Variants in TAOK3 observed in about 807,000 individuals in gnomAD.
TAOK3 encodes the protein TAO kinase 3, also known as serine/threonine-protein kinase TAO3.
In TAOK3, 40 loss-of-function variants were observed where a neutral mutation model predicts 120.4. The ratio of observed to expected loss-of-function variants is 0.33; its 90% CI spans 0.26 to 0.43. The LOEUF (loss-of-function observed/expected upper bound fraction) is 0.43, where lower values mean the gene tolerates loss of function less well. TAOK3 is among the 20% of genes least tolerant of loss of function. The pLI is 1.00. For synonymous variants in TAOK3, 355 were observed against 387.5 expected, an observed-to-expected ratio of 0.92 and a Z score of 0.99; for missense variants, 821 against 1,112.1, an observed-to-expected ratio of 0.74 and a Z score of 3.72.
chr12:118,179,693 G>A (rs2036576066), intron 15 of TAOK3, among the ~76,000 whole-genome samples: 2 of 146,730 alleles, frequency 1.4e-5, no homozygotes, highest in African/African-American at 5.1e-5. Context: ...TGCCCAGGCT[G>A]GAATGCAATG....
chr12:118,336,143 T>A (rs1452047762), intron 1 of TAOK3, among the ~76,000 whole-genome samples: 1 of 152,122 alleles, frequency 6.6e-6, no homozygotes, highest in Non-Finnish European at 1.5e-5. Flanking sequence ...GACTAAACAA[T>A]CTTGAAAAGG....
At chr12:118,364,859 C>A (rs188041849) in intron 1 of TAOK3, among the ~76,000 whole-genome samples, 2 of 152,232 alleles carry the variant, frequency 1.3e-5, no homozygotes, top group East Asian at 1.9e-4. Flanking sequence ...GAGCCAAGAT[C>A]GCACCACTGC....
chr12:118,273,620 G>A (rs1351782918), intron 1 of TAOK3, among the ~76,000 whole-genome samples: 1 of 152,192 alleles, frequency 6.6e-6, no homozygotes, highest in East Asian at 1.9e-4. Context: ...TTCAAGACCA[G>A]GCTGGTCAAC....
chr12:118,230,475 T>G (rs1048369378), intron 9 of TAOK3, among the ~76,000 whole-genome samples: 4 of 130,288 alleles, frequency 3.1e-5, no homozygotes, highest in Non-Finnish European at 1.6e-5. Flanking sequence ...TTTTTTTTTT[T>G]TTTTTTTTTT....
chr12:118,293,700 A>G (rs1050306863), intron 1 of TAOK3, among the ~76,000 whole-genome samples: 3 of 149,600 alleles, frequency 2.0e-5, no homozygotes, highest in Non-Finnish European at 4.4e-5. Context: ...GACAAGCCAC[A>G]TAAGCAAATA....
At chr12:118,326,352 A>G (rs1216377374) in intron 1 of TAOK3, among the ~76,000 whole-genome samples, 1 of 152,120 alleles carries the variant, frequency 6.6e-6, no homozygotes, top group Non-Finnish European at 1.5e-5. Flanking sequence ...CTACTGGTCT[A>G]TGTGTCTATT....
intron 1 of TAOK3, among the ~76,000 whole-genome samples, chr12:118,299,041 T>C (rs991473607): frequency 1.3e-5 from 2 of 152,210 alleles, no homozygotes; most frequent in Non-Finnish European, 2.9e-5. Context: ...AGCTGGCAAG[T>C]TCCTCCCATG....
At chr12:118,236,863 A>G (rs1453247255) in intron 7 of TAOK3, among the ~76,000 whole-genome samples, 3 of 152,320 alleles carry the variant, frequency 2.0e-5, no homozygotes, top group African/African-American at 7.2e-5. Flanking sequence ...TTGACTCTTC[A>G]ACAAATTATT....
chr12:118,201,407 C>T lies in TAOK3; in HGVS notation c.876G>A (p.Arg292=). 6.2e-7 allele frequency: 1 copy of T among 1,613,996 alleles called. No homozygotes were observed. Among genetic ancestry groups the T allele is most frequent in the Non-Finnish European group, 8.5e-7 (1 of 1,179,956 alleles). ...CTAGCTCACGAACTGCATCTTTTGTCCTCTGTATGAGGTCAATGAGGACAC... is the reference window on the plus strand; with the variant it reads ...CTAGCTCACGAACTGCATCTTTTGTTCTCTGTATGAGGTCAATGAGGACAC... ...PLRVLIDLIQ[R]TKDAVRELDN... The change falls in exon 12 of 21, where the codon AGG becomes AGA. Residue 292 remains arginine, a synonymous_variant. Transcript: ENST00000392533.
chr12:118,325,908 G>A (rs1397210939), intron 1 of TAOK3, among the ~76,000 whole-genome samples: 1 of 152,112 alleles, frequency 6.6e-6, no homozygotes, highest in African/African-American at 2.4e-5. Context: ...TTGAACTCCT[G>A]ACTTCAAGTG....
At chr12:118,334,769 G>T (rs1051044974) in intron 1 of TAOK3, among the ~76,000 whole-genome samples, 1 of 151,828 alleles carries the variant, frequency 6.6e-6, no homozygotes, top group Non-Finnish European at 1.5e-5. Context: ...CCAGCTATTA[G>T]GGAGGCTGAG....
intron 1 of TAOK3, among the ~76,000 whole-genome samples, chr12:118,338,745 C>T (rs1347767166): frequency 7.4e-6 from 1 of 135,476 alleles, no homozygotes; most frequent in African/African-American, 2.8e-5. Context: ...CAAGATCGTG[C>T]CACTGCACTG....
intron 1 of TAOK3, among the ~76,000 whole-genome samples, chr12:118,357,892 C>T (rs2045460497): frequency 6.6e-6 from 1 of 152,178 alleles, no homozygotes; most frequent in South Asian, 2.1e-4. Context: ...CTTAAAATTT[C>T]CTTTTTCATA....
intron 1 of TAOK3, among the ~76,000 whole-genome samples, chr12:118,280,633 T>G (rs2140414375): frequency 6.6e-6 from 1 of 152,340 alleles, no homozygotes; most frequent in Non-Finnish European, 1.5e-5. Flanking sequence ...GGTAATGTGA[T>G]GCTTCTAGTT....
At chr12:118,364,590 C>T (rs766623352) in intron 1 of TAOK3, among the ~76,000 whole-genome samples, 1 of 152,168 alleles carries the variant, frequency 6.6e-6, no homozygotes, top group Non-Finnish European at 1.5e-5. Context: ...AGAACACACA[C>T]ACAATATGAA....
At chr12:118,205,947 T>C (rs2139359830) in intron 11 of TAOK3, among the ~76,000 whole-genome samples, 1 of 151,860 alleles carries the variant, frequency 6.6e-6, no homozygotes, top group East Asian at 1.9e-4. Context: ...TTTTTTGCCT[T>C]ACTTGAAGCA....
chr12:118,321,263 C>A (rs2140944639), intron 1 of TAOK3, among the ~76,000 whole-genome samples: 1 of 152,146 alleles, frequency 6.6e-6, no homozygotes, highest in African/African-American at 2.4e-5. Flanking sequence ...CAAACATACA[C>A]ACACACATTT....
At chr12:118,282,650 G>T (rs2042136068) in intron 1 of TAOK3, among the ~76,000 whole-genome samples, 1 of 152,212 alleles carries the variant, frequency 6.6e-6, no homozygotes, top group African/African-American at 2.4e-5. Flanking sequence ...CCCCTAGGGA[G>T]GAAAGACACA....
intron 15 of TAOK3, among the ~76,000 whole-genome samples, chr12:118,178,313 G>A (rs1438385114): frequency 2.0e-5 from 3 of 152,168 alleles, no homozygotes; most frequent in Non-Finnish European, 4.4e-5. Flanking sequence ...ATTGTTGATA[G>A]CCCAAAGGTT....
Sources: allele counts gnomAD v4.1 joint callset (sites outside exome capture counted in the v4.1 genomes callset), GRCh38; gene constraint gnomAD v4.1.1; transcripts MANE v1.5; gene names NCBI Gene and HGNC (gene_info 2026-07-23, HGNC 2026-07-21).